KAT6B: variants seen among roughly 807,000 people sequenced by gnomAD.
KAT6B encodes lysine acetyltransferase 6B, also known as histone acetyltransferase KAT6B.
In KAT6B, 10 loss-of-function variants were observed where a neutral mutation model predicts 187.5. That is an observed-to-expected ratio of 0.05 (90% CI 0.03 to 0.09). KAT6B has a LOEUF of 0.09. Among genes scored for constraint, KAT6B ranks in the 10% least tolerant of loss-of-function variants. KAT6B has a pLI of 1.00. For missense variants in KAT6B, 1,952 were observed against 2,558.9 expected (o/e 0.76, Z 5.12); for synonymous variants, 861 against 926.8 (o/e 0.93, Z 1.29).
chr10:74,877,199 C>T lies in KAT6B; in HGVS notation c.621+33721C>T, dbSNP rs139120912. On this transcript the variant is annotated intron_variant, in intron 3 of 17. Coordinates refer to ENST00000287239, the MANE Select transcript of KAT6B (RefSeq NM_012330.4). ...CAGGCTGGTGTCAAACTCCTGACCT[C>T]AGATAATCTGCCCACCTCCGTCTCC... is the stretch of plus-strand genomic sequence containing the variant. 2.2e-3 allele frequency among the ~76,000 whole-genome samples: 339 copies of T among 152,234 alleles called. 1 individual carries two copies. The highest frequency in any genetic ancestry group is 7.8e-3 in the African/African-American group (323 of 41,550).
intron 13 of KAT6B, among the ~76,000 whole-genome samples, chr10:75,018,203 C>T (rs1346266864): frequency 1.3e-5 from 2 of 152,202 alleles, no homozygotes. Flanking sequence ...CCTGCTTTCT[C>T]CTGGCCTTTG....
chr10:74,872,776 A>G (rs528458513), intron 3 of KAT6B, among the ~76,000 whole-genome samples: 2 of 151,958 alleles, frequency 1.3e-5, no homozygotes, highest in South Asian at 2.1e-4. Context: ...TGGTCTTCCA[A>G]AGTGTTGGGG....
chr10:74,893,807 G>A (rs1182289532), intron 3 of KAT6B, among the ~76,000 whole-genome samples: 7 of 152,096 alleles, frequency 4.6e-5, no homozygotes, highest in Non-Finnish European at 1.0e-4. Flanking sequence ...TCCTGAAATA[G>A]CTTTCCATGA....
At chr10:74,941,699 C>T (rs1398779871) in intron 3 of KAT6B, among the ~76,000 whole-genome samples, 1 of 152,090 alleles carries the variant, frequency 6.6e-6, no homozygotes, top group Admixed American at 6.5e-5. Context: ...AACTTAGCTA[C>T]AAAGAAAACT....
intron 3 of KAT6B, among the ~76,000 whole-genome samples, chr10:74,915,838 T>G (rs1847636114): frequency 6.6e-6 from 1 of 152,198 alleles, no homozygotes; most frequent in Non-Finnish European, 1.5e-5. Flanking sequence ...TGATTTAAAA[T>G]TCAGTTATGT....
chr10:74,891,101 A>G (rs187645098), intron 3 of KAT6B, among the ~76,000 whole-genome samples: 2 of 152,372 alleles, frequency 1.3e-5, no homozygotes, highest in East Asian at 3.9e-4. Flanking sequence ...AAATGGATGA[A>G]CATTGGGGAA....
At chr10:74,853,553 C>G (rs1842626539) in intron 3 of KAT6B, among the ~76,000 whole-genome samples, 1 of 151,736 alleles carries the variant, frequency 6.6e-6, no homozygotes, top group Admixed American at 6.6e-5. Context: ...CTCGGCCTCC[C>G]AAAGTACTGG....
chr10:74,997,746 G>A (rs1843534791), intron 13 of KAT6B, among the ~76,000 whole-genome samples: 1 of 151,986 alleles, frequency 6.6e-6, no homozygotes, highest in Admixed American at 6.6e-5. Context: ...TATATTGGTA[G>A]GCATTTTCTG....
intron 3 of KAT6B, among the ~76,000 whole-genome samples, chr10:74,938,909 G>C (rs1281938713): frequency 6.6e-6 from 1 of 152,024 alleles, no homozygotes; most frequent in Non-Finnish European, 1.5e-5. Context: ...GCTAATTTTT[G>C]TAATTTTAGT....
In KAT6B at chr10:74,981,305, T is replaced by TCC. The variant is rs1408722754; in HGVS notation, c.2232-482_2232-481insCC. Among the ~76,000 whole-genome samples the TCC allele has an allele frequency of 9.4e-3, 1,393 of 148,952 alleles. 16 individuals are homozygous for TCC. Among genetic ancestry groups the TCC allele is most frequent in the African/African-American group, 0.026 (1,038 of 39,324 alleles). ...CTATTGGCTGGCTTTCTTTCTTTCTTTCTTCCTTCCTTCCTTCCTTCCTTC... is the reference window on the plus strand; with the variant it reads ...CTATTGGCTGGCTTTCTTTCTTTCTTCCTCTTCCTTCCTTCCTTCCTTCCTTC... On this transcript the variant is annotated intron_variant, in intron 10 of 17. Coordinates refer to ENST00000287239, the MANE Select transcript of KAT6B (RefSeq NM_012330.4).
chr10:75,025,243 T>G lies in KAT6B; in HGVS notation c.3658T>G (p.Cys1220Gly). The change falls in exon 17 of 18, where the codon TGT becomes GGT. Residue 1220 changes from cysteine (C) to glycine (G), a missense_variant. By Grantham distance (159) the Cys-to-Gly change is radical. This residue lies in a region of KAT6B where 758 missense variants were observed against 891.4 expected (regional missense o/e 0.85). Transcript: ENST00000287239. ...DNHCFKNADP[C>G]RNNMNDDSSN... ...TCATTGCTTCAAGAATGCTGACCCT[T>G]GTAGAAGTAAGTAGAGGAATGATAA... 1 of 1,614,026 alleles carries G rather than the reference T, an allele frequency of 6.2e-7. No homozygotes were observed. The highest frequency in any genetic ancestry group is 8.5e-7 in the Non-Finnish European group (1 of 1,179,952).
chr10:74,850,654 A>G (rs911293581), intron 3 of KAT6B, among the ~76,000 whole-genome samples: 1 of 152,230 alleles, frequency 6.6e-6, no homozygotes, highest in South Asian at 2.1e-4. Flanking sequence ...GGGAACTCCT[A>G]AAGGATAGTA....
Position 75,032,169 on chromosome 10 carries a change from T to C in KAT6B, c.*1123T>C, listed in dbSNP as rs1488224005. On this transcript the variant is annotated 3_prime_UTR_variant, in exon 18 of 18. Coordinates refer to ENST00000287239, the MANE Select transcript of KAT6B (RefSeq NM_012330.4). ...GGAGAGGCGTAATCCTTGTATAAAA[T>C]AGGATCCAGCGACACTCTTGTATTT... is the stretch of plus-strand genomic sequence containing the variant. The C allele has an allele frequency of 5.1e-6, 1 of 195,170 alleles. No individual in the cohort carries two copies. Among genetic ancestry groups the C allele is most frequent in the African/African-American group, 2.3e-5 (1 of 43,132 alleles). 12.1% of individuals were successfully genotyped at this position (195,170 alleles called of 1,614,324 possible). A position where few individuals can be genotyped will look rare whatever the true frequency, so the allele number is the denominator to read the frequency against.
intron 10 of KAT6B, among the ~76,000 whole-genome samples, chr10:74,979,744 G>A (rs1163328097): frequency 6.6e-6 from 1 of 151,810 alleles, no homozygotes; most frequent in African/African-American, 2.4e-5. Context: ...CTGATTTCTG[G>A]CATTTTATTT....
At chr10:74,955,565 A>C (rs1461720738) in intron 3 of KAT6B, among the ~76,000 whole-genome samples, 1 of 151,946 alleles carries the variant, frequency 6.6e-6, no homozygotes, top group Non-Finnish European at 1.5e-5. Context: ...TTAACATACG[A>C]ACACCCTTAG....
chr10:74,873,890 A>C (rs979170529), intron 3 of KAT6B, among the ~76,000 whole-genome samples: 2 of 152,198 alleles, frequency 1.3e-5, no homozygotes, highest in East Asian at 3.8e-4. Context: ...TGACTCATTT[A>C]GAGTTATCAG....
chr10:74,966,493 G>A (rs910577345), intron 4 of KAT6B, among the ~76,000 whole-genome samples: 1 of 152,148 alleles, frequency 6.6e-6, no homozygotes, highest in African/African-American at 2.4e-5. Context: ...TCTCCAAAAA[G>A]CTTTTCCACT....
chr10:74,903,969 C>A (rs1846576671), intron 3 of KAT6B, among the ~76,000 whole-genome samples: 1 of 152,146 alleles, frequency 6.6e-6, no homozygotes, highest in African/African-American at 2.4e-5. Flanking sequence ...TGAGATACTC[C>A]ATGTGGATGG....
intron 3 of KAT6B, among the ~76,000 whole-genome samples, chr10:74,896,879 A>G (rs111371388): frequency 5.3e-5 from 8 of 152,312 alleles, no homozygotes; most frequent in African/African-American, 1.9e-4. Flanking sequence ...AAACTGTACT[A>G]ATGCCCAAAT....
Sources: gnomAD v4.1 joint callset for allele counts (sites outside exome capture counted in the v4.1 genomes callset) on GRCh38, gnomAD v4.1.1 for gene constraint, gnomAD v4.1.1 regional missense constraint, MANE v1.5 for transcripts, NCBI Gene and HGNC (gene_info 2026-07-23, HGNC 2026-07-21) for gene names.